The following NAALAD2 variants were observed in gnomAD, a reference collection of about 807,000 sequenced individuals.
NAALAD2 encodes the protein N-acetylated-alpha-linked acidic dipeptidase 2.
Under a neutral mutation model 95.6 loss-of-function variants are expected in NAALAD2, and 89 were observed. The observed-to-expected ratio is 0.93, with a 90% CI of 0.78 to 1.11. The LOEUF (loss-of-function observed/expected upper bound fraction) is 1.11. NAALAD2 is among the 50% of genes least tolerant of loss of function. The pLI, the probability that NAALAD2 is intolerant of heterozygous loss-of-function variation, is 0.00. For synonymous variants in NAALAD2, 264 were observed against 294.4 expected (o/e 0.90, Z 1.06); for missense variants, 894 against 872.4 (o/e 1.02, Z -0.31).
At chr11:90,177,819 T>A (rs1467764116) in intron 15 of NAALAD2, 34 bp from the exon 16 acceptor site, 1 of 1,549,336 alleles carries the variant, frequency 6.5e-7, no homozygotes, top group African/African-American at 1.4e-5. Flanking sequence ...ATATTTAATG[T>A]TTATTTATAC....
intron 6 of NAALAD2, among the ~76,000 whole-genome samples, chr11:90,155,732 TAC>T: frequency 1.8e-5 from 1 of 56,048 alleles, no homozygotes; most frequent in Non-Finnish European, 3.3e-5. Context: ...AATACATACA[TAC>T]ATATGTATGT....
intron 15 of NAALAD2, 84 bp from the exon 16 acceptor site, chr11:90,177,769 A>T: frequency 7.5e-7 from 1 of 1,330,742 alleles, no homozygotes; most frequent in Admixed American, 2.3e-5. Flanking sequence ...TATTTTTTCT[A>T]TAGTTATTTT....
chr11:90,174,708 AATTT>A (rs777301992), intron 14 of NAALAD2, among the ~76,000 whole-genome samples: 90 of 151,812 alleles, frequency 5.9e-4, no homozygotes, highest in Non-Finnish European at 1.1e-3. Flanking sequence ...AGCTTTCTTA[AATTT>A]ATTTTATATT....
At chr11:90,140,815 T>C (rs1951592704) in intron 2 of NAALAD2, among the ~76,000 whole-genome samples, 1 of 152,244 alleles carries the variant, frequency 6.6e-6, no homozygotes, top group African/African-American at 2.4e-5. Context: ...TTTTGTCTTC[T>C]TTTTTCCCCC....
intron 15 of NAALAD2, 81 bp from the exon 16 acceptor site, chr11:90,177,772 G>T: frequency 7.4e-7 from 1 of 1,352,960 alleles, no homozygotes; most frequent in Admixed American, 2.2e-5. Flanking sequence ...TTTTTCTATA[G>T]TTATTTTTAT....
At chr11:90,168,798 C>T (rs1952551801) in intron 11 of NAALAD2, 131 bp from the exon 12 acceptor site, 1 of 689,278 alleles carries the variant, frequency 1.5e-6, no homozygotes, top group Admixed American at 3.1e-5. Flanking sequence ...ATTAGGGTCA[C>T]AGATGGACCT....
At chr11:90,167,770 C>G (rs955133384) in intron 11 of NAALAD2, among the ~76,000 whole-genome samples, 5 of 152,172 alleles carry the variant, frequency 3.3e-5, no homozygotes, top group African/African-American at 1.2e-4. Context: ...TCTAGCTAAT[C>G]TAGTGGGGAC....
intron 16 of NAALAD2, among the ~76,000 whole-genome samples, chr11:90,180,298 T>C (rs1952921955): frequency 6.6e-6 from 1 of 152,134 alleles, no homozygotes; most frequent in African/African-American, 2.4e-5. Context: ...TTCAGCATTC[T>C]TTCCTCATAG....
chr11:90,168,214 A>G (rs569013565), intron 11 of NAALAD2, among the ~76,000 whole-genome samples: 1 of 152,214 alleles, frequency 6.6e-6, no homozygotes. Flanking sequence ...CAGCGAGACC[A>G]CAAACCCACC....
chr11:90,152,634 C>T (rs1951920240), intron 6 of NAALAD2, 150 bp downstream of exon 6: 1 of 572,558 alleles, frequency 1.7e-6, no homozygotes, highest in Non-Finnish European at 2.9e-6. Context: ...AATTTTAAAA[C>T]ATTTGCTCTT....
intron 11 of NAALAD2, among the ~76,000 whole-genome samples, chr11:90,164,763 G>T (rs558036543): frequency 1.3e-5 from 2 of 152,168 alleles, no homozygotes; most frequent in South Asian, 4.1e-4. Flanking sequence ...ATATCATTTT[G>T]AAAGTTATTT....
intron 2 of NAALAD2, among the ~76,000 whole-genome samples, chr11:90,144,386 T>A (rs1220511453): frequency 1.3e-5 from 2 of 151,994 alleles, no homozygotes; most frequent in Non-Finnish European, 2.9e-5. Flanking sequence ...ATGAGCTATA[T>A]GGGATCATGG....
At chr11:90,154,136 C>A (rs1244112464) in intron 6 of NAALAD2, among the ~76,000 whole-genome samples, 1 of 147,232 alleles carries the variant, frequency 6.8e-6, no homozygotes, top group African/African-American at 2.5e-5. Flanking sequence ...CATTTTTTTT[C>A]TTTCTTTTTT....
At chr11:90,174,513 G>A (rs954748178) in intron 14 of NAALAD2, among the ~76,000 whole-genome samples, 3 of 151,974 alleles carry the variant, frequency 2.0e-5, no homozygotes, top group Admixed American at 2.0e-4. Flanking sequence ...ATTTACATAT[G>A]TATTAGGTGT....
intron 15 of NAALAD2, among the ~76,000 whole-genome samples, chr11:90,176,529 T>G (rs1188133498): frequency 6.6e-6 from 1 of 152,220 alleles, no homozygotes; most frequent in Non-Finnish European, 1.5e-5. Context: ...GGTTCTTGGT[T>G]GGGAAATAAA....
At chr11:90,168,571 T>C (rs1183541720) in intron 11 of NAALAD2, among the ~76,000 whole-genome samples, 2 of 152,190 alleles carry the variant, frequency 1.3e-5, no homozygotes, top group Non-Finnish European at 2.9e-5. Context: ...CTGTGAGTTC[T>C]GATTCAGTAG....
chr11:90,135,005 G>T lies in NAALAD2; in HGVS notation c.82+165G>T, dbSNP rs181360708. 131 of 666,740 alleles carry T rather than the reference G, an allele frequency of 2.0e-4. 1 individual carries two copies. In the East Asian group the frequency reaches 3.1e-3, roughly 16 times the overall value. 41.3% of individuals were successfully genotyped at this position (666,740 alleles called of 1,614,324 possible). On this transcript the variant is annotated intron_variant, in intron 1 of 18. Transcript: ENST00000534061. ...TTTCAGCAAAACTAGAAACCAGATG[G>T]AATGTATTTTGGGCTTGCTAATAGA...
intron 2 of NAALAD2, among the ~76,000 whole-genome samples, chr11:90,138,289 G>C (rs1329818499): frequency 6.6e-6 from 1 of 152,136 alleles, no homozygotes; most frequent in Non-Finnish European, 1.5e-5. Flanking sequence ...GGAGGAGGAG[G>C]AAGAGGAGGG....
chr11:90,185,277 A>G lies in NAALAD2; in HGVS notation c.2033+2269A>G, dbSNP rs997385603. Among the ~76,000 whole-genome samples, 46 of 152,166 alleles carry G rather than the reference A, an allele frequency of 3.0e-4. 1 individual carries two copies. The highest frequency in any genetic ancestry group is 1.1e-3 in the African/African-American group (44 of 41,542). On this transcript the variant is annotated intron_variant, in intron 18 of 18. Transcript: ENST00000534061. ...TATTTAACATATTATAAATTTACAT[A>G]TGTAATCATTTATATTTACATGTAT... is the stretch of plus-strand genomic sequence containing the variant.
Sources: gnomAD v4.1 joint callset for allele counts (sites outside exome capture counted in the v4.1 genomes callset) on GRCh38, gnomAD v4.1.1 for gene constraint, MANE v1.5 for transcripts, NCBI Gene and HGNC (gene_info 2026-07-23, HGNC 2026-07-21) for gene names.